ANO4: variants seen among roughly 807,000 people sequenced by gnomAD.
The protein encoded by ANO4 is anoctamin 4, also known as anoctamin-4.
A neutral mutation model predicts 141.9 loss-of-function variants in ANO4; 69 were observed. The ratio of observed to expected loss-of-function variants is 0.49; its 90% CI spans 0.40 to 0.59. ANO4 has a LOEUF of 0.59. Among genes scored for constraint, ANO4 ranks in the 20% least tolerant of loss-of-function variants. ANO4 has a pLI of 0.00. For synonymous variants in ANO4, 350 were observed against 394.3 expected, an observed-to-expected ratio of 0.89 and a Z score of 1.33; for missense variants, 894 against 1,162.2, an observed-to-expected ratio of 0.77 and a Z score of 3.36.
intron 2 of ANO4, among the ~76,000 whole-genome samples, chr12:100,906,668 C>T (rs898013475): frequency 2.0e-4 from 31 of 152,160 alleles, no homozygotes; most frequent in South Asian, 1.0e-3. Context: ...CAGGCATTAA[C>T]TTTACTGAGA....
chr12:101,024,725 A>C (rs1166562936), intron 9 of ANO4, among the ~76,000 whole-genome samples: 2 of 152,232 alleles, frequency 1.3e-5, no homozygotes, highest in African/African-American at 4.8e-5. Flanking sequence ...CAGGGAATCA[A>C]AGCTTTCTAC....
intron 7 of ANO4, among the ~76,000 whole-genome samples, chr12:100,983,127 A>G (rs575836278): frequency 2.6e-4 from 40 of 152,298 alleles, no homozygotes; most frequent in Admixed American, 2.5e-3. Flanking sequence ...GTGTTTGTGG[A>G]AGAGCAGACT....
At chr12:100,843,489 C>T (rs919724373) in intron 1 of ANO4, among the ~76,000 whole-genome samples, 1 of 152,122 alleles carries the variant, frequency 6.6e-6, no homozygotes, top group Non-Finnish European at 1.5e-5. Context: ...CAACTTCTCG[C>T]CCCAAACTTA....
At chr12:101,091,178 A>G (rs949025390) in intron 17 of ANO4, among the ~76,000 whole-genome samples, 1 of 152,222 alleles carries the variant, frequency 6.6e-6, no homozygotes, top group African/African-American at 2.4e-5. Flanking sequence ...TTTTCAGCCA[A>G]CATCAAACTA....
At chr12:101,079,400 T>C (rs2049154025) in intron 15 of ANO4, 125 bp downstream of exon 15, 1 of 768,112 alleles carries the variant, frequency 1.3e-6, no homozygotes, top group African/African-American at 1.8e-5. Context: ...CATTTTCAAT[T>C]GCCTTTTCAG....
At chr12:101,042,248 A>G in intron 11 of ANO4, 86 bp from the exon 12 acceptor site, 1 of 1,546,372 alleles carries the variant, frequency 6.5e-7, no homozygotes, top group South Asian at 1.2e-5. Flanking sequence ...TAAGGCCGCT[A>G]CAAAGTAAAA....
At chr12:101,005,752 A>G (rs2045846462) in intron 8 of ANO4, among the ~76,000 whole-genome samples, 1 of 152,200 alleles carries the variant, frequency 6.6e-6, no homozygotes. Flanking sequence ...TAATTTTAGT[A>G]TATGTGAATT....
intron 3 of ANO4, among the ~76,000 whole-genome samples, chr12:100,782,419 A>T (rs2033740358): frequency 6.6e-6 from 1 of 152,092 alleles, no homozygotes; most frequent in Admixed American, 6.6e-5. Context: ...TCCTCTTGGC[A>T]TTTCCTAGTC....
chr12:100,967,832 A>G (rs995293824), intron 5 of ANO4, among the ~76,000 whole-genome samples: 1 of 152,218 alleles, frequency 6.6e-6, no homozygotes, highest in Non-Finnish European at 1.5e-5. Flanking sequence ...AATTCAGTCT[A>G]TGCATCTTAA....
At chr12:101,085,370 AT>A (rs1257776530) in intron 16 of ANO4, among the ~76,000 whole-genome samples, 3 of 151,994 alleles carry the variant, frequency 2.0e-5, no homozygotes, top group East Asian at 1.9e-4. Context: ...ACAGATGGAA[AT>A]TTTTTTTAAA....
intron 15 of ANO4, among the ~76,000 whole-genome samples, chr12:101,082,047 C>T (rs966204981): frequency 6.6e-6 from 1 of 152,134 alleles, no homozygotes; most frequent in Non-Finnish European, 1.5e-5. Context: ...GCCTATAACA[C>T]CCAGCGATAT....
At chr12:101,112,681 A>T (rs2050706444) in intron 24 of ANO4, among the ~76,000 whole-genome samples, 1 of 152,176 alleles carries the variant, frequency 6.6e-6, no homozygotes, top group Admixed American at 6.5e-5. Flanking sequence ...GTTAAGTGCC[A>T]CCAAAGCAAA....
intron 17 of ANO4, among the ~76,000 whole-genome samples, chr12:101,092,761 T>C (rs573586113): frequency 6.6e-6 from 1 of 152,330 alleles, no homozygotes; most frequent in East Asian, 1.9e-4. Flanking sequence ...TTCACACCCA[T>C]GTAACAAAGG....
At chr12:100,804,477 T>C (rs2135675609) in intron 1 of ANO4, among the ~76,000 whole-genome samples, 1 of 152,334 alleles carries the variant, frequency 6.6e-6, no homozygotes, top group South Asian at 2.1e-4. Flanking sequence ...GGTAATGGGA[T>C]TGGTGGGTCA....
chr12:100,983,394 G>A (rs551114630), intron 7 of ANO4, among the ~76,000 whole-genome samples: 16 of 152,334 alleles, frequency 1.1e-4, no homozygotes, highest in Non-Finnish European at 1.9e-4. Context: ...AATTCTGTAA[G>A]TCAGAGGTCC....
At chr12:100,818,429 C>G (rs908624386) in intron 1 of ANO4, among the ~76,000 whole-genome samples, 3 of 151,792 alleles carry the variant, frequency 2.0e-5, no homozygotes, top group African/African-American at 2.4e-5. Flanking sequence ...AGCCCATTAC[C>G]CTTCAACTTT....
chr12:101,107,551 T>TAAGA lies in ANO4; in HGVS notation c.2150-2853_2150-2852insAAGA, dbSNP rs35351143. ...TTCATCAAAGTAGTCATAGCAACAC[T>TAAGA]GCATATATGCTGTATCCCCATAAAA... On this transcript the variant is annotated intron_variant, in intron 22 of 27. Coordinates refer to ENST00000392977, the MANE Select transcript of ANO4 (RefSeq NM_001286615.2). Among the ~76,000 whole-genome samples, 3 of 43,446 alleles carry TAAGA rather than the reference T, an allele frequency of 6.9e-5. No individual in the cohort carries two copies. The African/African-American group carries it at 1.3e-3, about 19-fold the overall frequency. 28.5% of individuals were successfully genotyped at this position (43,446 alleles called of 152,430 possible). A position where few individuals can be genotyped will look rare whatever the true frequency, so the allele number is the denominator to read the frequency against.
intron 1 of ANO4, among the ~76,000 whole-genome samples, chr12:100,868,921 TCTTAC>T (rs1452546025): frequency 6.6e-6 from 1 of 152,214 alleles, no homozygotes; most frequent in African/African-American, 2.4e-5. Context: ...TAAAAACCAT[TCTTAC>T]CTTTCAGGCC....
At chr12:101,008,575 A>G (rs1475938726) in intron 8 of ANO4, among the ~76,000 whole-genome samples, 1 of 152,138 alleles carries the variant, frequency 6.6e-6, no homozygotes, top group Non-Finnish European at 1.5e-5. Flanking sequence ...TACAAATGCT[A>G]CCCAGAGCTA....
Sources: gnomAD v4.1 joint callset for allele counts (sites outside exome capture counted in the v4.1 genomes callset) on GRCh38, gnomAD v4.1.1 for gene constraint, MANE v1.5 for transcripts, NCBI Gene and HGNC (gene_info 2026-07-23, HGNC 2026-07-21) for gene names.